Variants in EDAR observed in about 807,000 individuals in gnomAD.
EDAR encodes the protein tumor necrosis factor receptor superfamily member EDAR.
EDAR carries 38 observed loss-of-function variants against 51.3 expected under a neutral mutation model. The ratio of observed to expected loss-of-function variants is 0.74; its 90% CI spans 0.57 to 0.97. The LOEUF (loss-of-function observed/expected upper bound fraction) is 0.97, where lower values mean the gene tolerates loss of function less well. Among genes scored for constraint, EDAR ranks in the 50% least tolerant of loss-of-function variants. The pLI is 0.00. For missense variants in EDAR, 528 were observed against 595.0 expected, an observed-to-expected ratio of 0.89 and a Z score of 1.17; for synonymous variants, 227 against 242.1, an observed-to-expected ratio of 0.94 and a Z score of 0.58.
chr2:108,954,779 G>A (rs563475079), intron 1 of EDAR, among the ~76,000 whole-genome samples: 216 of 151,996 alleles, frequency 1.4e-3, no homozygotes, highest in African/African-American at 4.9e-3. Context: ...AGGTTCAAGC[G>A]ATTCTCCTGT....
intron 1 of EDAR, among the ~76,000 whole-genome samples, chr2:108,932,839 C>T (rs997409387): frequency 3.3e-5 from 5 of 152,142 alleles, no homozygotes; most frequent in East Asian, 3.9e-4. Flanking sequence ...TCTTCCCATC[C>T]GAGGCAGACA....
chr2:108,912,049 C>T (rs1391648804), intron 6 of EDAR, among the ~76,000 whole-genome samples: 2 of 152,212 alleles, frequency 1.3e-5, no homozygotes, highest in East Asian at 1.9e-4. Flanking sequence ...TCTGCGTTAG[C>T]GCGTGGGAGG....
intron 1 of EDAR, among the ~76,000 whole-genome samples, chr2:108,950,137 C>A (rs1266168554): frequency 6.6e-6 from 1 of 152,170 alleles, no homozygotes; most frequent in African/African-American, 2.4e-5. Flanking sequence ...ATGTTCAGCC[C>A]TACAAGGCAG....
rs765519281 is a variant in EDAR, at chr2:108,930,167, GC to G, written c.126del (p.Leu43CysfsTer60). 1.7e-5 allele frequency: 27 copies of G among 1,613,966 alleles called. No homozygotes were observed. Among genetic ancestry groups the G allele is most frequent in the Non-Finnish European group, 1.9e-5 (23 of 1,180,036 alleles). ...CCACACGGGGGGCACTCCTGGCACA[GC>G]CCCGTAGTCTGGTTGTAGTACTCGT... ...GENEYYNQTT[G>X]LCQECPPCGP... On this transcript the variant is annotated frameshift_variant, in exon 3 of 12. Coordinates refer to ENST00000258443, the MANE Select transcript of EDAR (RefSeq NM_022336.4). LOFTEE classifies it high-confidence loss of function.
At chr2:108,910,645 A>G (rs1293629289) in intron 8 of EDAR, 113 bp from the exon 9 acceptor site, 2 of 1,405,474 alleles carry the variant, frequency 1.4e-6, no homozygotes, top group Non-Finnish European at 2.0e-6. Flanking sequence ...TCTGTGTGGC[A>G]CCACCCCACG....
At chr2:108,922,669 T>C (rs1574380675) in intron 5 of EDAR, among the ~76,000 whole-genome samples, 2 of 152,214 alleles carry the variant, frequency 1.3e-5, no homozygotes, top group South Asian at 4.2e-4. Context: ...CCTCCACCCT[T>C]GAAGGAGCCA....
chr2:108,940,639 C>T (rs1355858935), intron 1 of EDAR, among the ~76,000 whole-genome samples: 1 of 152,226 alleles, frequency 6.6e-6, no homozygotes, highest in Non-Finnish European at 1.5e-5. Context: ...TGTGGAGTCA[C>T]GTGTAGAATA....
intron 1 of EDAR, among the ~76,000 whole-genome samples, chr2:108,953,140 C>A (rs750399368): frequency 5.3e-5 from 8 of 152,194 alleles, no homozygotes; most frequent in Non-Finnish European, 1.0e-4. Flanking sequence ...TACAAATAAT[C>A]CATCTGTGCT....
chr2:108,907,562 T>A (rs1227773974), intron 10 of EDAR, among the ~76,000 whole-genome samples: 1 of 151,722 alleles, frequency 6.6e-6, no homozygotes, highest in Non-Finnish European at 1.5e-5. Flanking sequence ...ACAGGAGAAT[T>A]GCTTGAACCC....
At chr2:108,951,346 T>G (rs993928970) in intron 1 of EDAR, among the ~76,000 whole-genome samples, 1 of 152,226 alleles carries the variant, frequency 6.6e-6, no homozygotes, top group Admixed American at 6.5e-5. Context: ...CACAAAGAAC[T>G]GAACCATCAG....
chr2:108,978,764 A>C (rs113361550), intron 1 of EDAR, among the ~76,000 whole-genome samples: 9 of 152,324 alleles, frequency 5.9e-5, no homozygotes, highest in African/African-American at 1.9e-4. Context: ...GAGACAGTCT[A>C]TCGGTAAGCT....
intron 1 of EDAR, among the ~76,000 whole-genome samples, chr2:108,950,780 T>C (rs1268833338): frequency 6.6e-6 from 1 of 152,170 alleles, no homozygotes; most frequent in Non-Finnish European, 1.5e-5. Context: ...TCAGAAGGCT[T>C]TGGAATCAAC....
intron 1 of EDAR, among the ~76,000 whole-genome samples, chr2:108,968,703 G>C (rs1558838642): frequency 1.3e-5 from 2 of 152,286 alleles, no homozygotes; most frequent in South Asian, 4.1e-4. Context: ...TTTACTCTGG[G>C]TAGCCCTGGG....
In EDAR at chr2:108,932,283, C is replaced by A. The variant is rs548736242; in HGVS notation, c.-18-1251G>T. On this transcript the variant is annotated intron_variant, in intron 1 of 11. Transcript: ENST00000258443. ...GTGGCTCACACCTGTAATCCCAGCA[C>A]TTTGGGAGGCTGAGACGGGCGGATC... Among the ~76,000 whole-genome samples the A allele has an allele frequency of 4.7e-4, 71 of 152,130 alleles. 1 individual carries two copies. Among genetic ancestry groups the A allele is most frequent in the Admixed American group, 3.7e-3 (57 of 15,270 alleles).
intron 8 of EDAR, 110 bp from the exon 9 acceptor site, chr2:108,910,642 G>C: frequency 7.2e-7 from 1 of 1,398,468 alleles, no homozygotes; most frequent in Non-Finnish European, 1.0e-6. Context: ...GTGTCTGTGT[G>C]GCACCACCCC....
chr2:108,979,047 G>T (rs953402244), intron 1 of EDAR, among the ~76,000 whole-genome samples: 2 of 152,202 alleles, frequency 1.3e-5, no homozygotes, highest in Non-Finnish European at 2.9e-5. Flanking sequence ...AGTAAGCAGA[G>T]AGGTGCCAGC....
intron 1 of EDAR, among the ~76,000 whole-genome samples, chr2:108,940,726 G>A (rs1257934922): frequency 1.3e-5 from 2 of 152,208 alleles, no homozygotes; most frequent in African/African-American, 2.4e-5. Flanking sequence ...GGTCTGAACG[G>A]GGCAGGCTTC....
At chr2:108,937,410 G>A (rs1055887825) in intron 1 of EDAR, among the ~76,000 whole-genome samples, 1 of 152,110 alleles carries the variant, frequency 6.6e-6, no homozygotes, top group Non-Finnish European at 1.5e-5. Context: ...GTATCTGTGA[G>A]CACCTATGTG....
intron 1 of EDAR, among the ~76,000 whole-genome samples, chr2:108,980,439 T>C (rs982313162): frequency 2.6e-5 from 4 of 152,140 alleles, no homozygotes; most frequent in African/African-American, 4.8e-5. Context: ...CTAATACTTA[T>C]TACTCACCAA....
Sources: allele counts gnomAD v4.1 joint callset (sites outside exome capture counted in the v4.1 genomes callset), GRCh38; gene constraint gnomAD v4.1.1; transcripts MANE v1.5; gene names NCBI Gene and HGNC (gene_info 2026-07-23, HGNC 2026-07-21).